Variants in DNM3 observed in about 807,000 individuals in gnomAD.
The protein encoded by DNM3 is dynamin 3.
In DNM3, 47 loss-of-function variants were observed where a neutral mutation model predicts 101.6. The observed-to-expected ratio is 0.46, with a 90% CI of 0.37 to 0.59. The LOEUF (loss-of-function observed/expected upper bound fraction) is 0.59, where lower values mean the gene tolerates loss of function less well. Ranked by LOEUF, DNM3 falls within the 20% of genes least tolerant of loss-of-function variation. DNM3 has a pLI of 0.00. For synonymous variants in DNM3, 385 were observed against 387.9 expected, an observed-to-expected ratio of 0.99 and a Z score of 0.09; for missense variants, 849 against 1,085.7, an observed-to-expected ratio of 0.78 and a Z score of 3.06.
chr1:171,925,887 G>A (rs2040530793), intron 2 of DNM3, among the ~76,000 whole-genome samples: 1 of 152,074 alleles, frequency 6.6e-6, no homozygotes, highest in African/African-American at 2.4e-5. Flanking sequence ...TTTGTATATG[G>A]TGAGAGATAG....
chr1:172,219,377 C>CAA (rs58783160), intron 14 of DNM3, among the ~76,000 whole-genome samples: 2,405 of 55,668 alleles, frequency 0.043, 208 homozygotes, highest in African/African-American at 0.1. Context: ...TACCCTGTCT[C>CAA]AAAAAAAAAA....
chr1:172,000,346 A>C (rs2046285314), intron 4 of DNM3, among the ~76,000 whole-genome samples: 1 of 152,032 alleles, frequency 6.6e-6, no homozygotes, highest in Admixed American at 6.6e-5. Context: ...ACTGCTTAGG[A>C]ATGTGAGGAA....
intron 14 of DNM3, among the ~76,000 whole-genome samples, chr1:172,175,959 C>T (rs2059141368): frequency 6.6e-6 from 1 of 151,718 alleles, no homozygotes; most frequent in African/African-American, 2.4e-5. Flanking sequence ...CATGTTGTTT[C>T]AGGATTGGTC....
At chr1:172,344,936 C>A (rs2066862323) in intron 17 of DNM3, among the ~76,000 whole-genome samples, 1 of 152,166 alleles carries the variant, frequency 6.6e-6, no homozygotes, top group African/African-American at 2.4e-5. Flanking sequence ...AAGAAGCATT[C>A]TATTAATTGT....
chr1:172,157,497 A>G (rs971492867), intron 14 of DNM3, among the ~76,000 whole-genome samples: 3 of 152,218 alleles, frequency 2.0e-5, no homozygotes, highest in East Asian at 1.9e-4. Context: ...ATTTCAGTAA[A>G]TTCATTTAAT....
In DNM3 at chr1:172,198,751, T is replaced by A. The variant is rs1283037162; in HGVS notation, c.1660-54822T>A. Among the ~76,000 whole-genome samples, 5 of 152,052 alleles carry A rather than the reference T, an allele frequency of 3.3e-5. No homozygotes were observed. The South Asian group carries it at 1.0e-3, about 32-fold the overall frequency. ...GTTGTTTTTATTTCTGTGGGTTAAG[T>A]AGTAACATTCCCTTTAGCATTTCTA... is the stretch of plus-strand genomic sequence containing the variant. On this transcript the variant is annotated intron_variant, in intron 14 of 20. Coordinates refer to ENST00000627582, the MANE Select transcript of DNM3 (RefSeq NM_015569.5).
chr1:172,168,153 A>G (rs17277134), intron 14 of DNM3, among the ~76,000 whole-genome samples: 9,166 of 152,146 alleles, frequency 0.06, 370 homozygotes, highest in East Asian at 0.14. Flanking sequence ...TACCTATATC[A>G]TAATTCACTG....
intron 16 of DNM3, among the ~76,000 whole-genome samples, chr1:172,317,534 C>T (rs1364969916): frequency 6.6e-6 from 1 of 152,014 alleles, no homozygotes; most frequent in Non-Finnish European, 1.5e-5. Flanking sequence ...CAAATAGACG[C>T]AATAAAAAAT....
intron 14 of DNM3, among the ~76,000 whole-genome samples, chr1:172,233,444 C>T (rs1309104360): frequency 6.6e-6 from 1 of 152,134 alleles, no homozygotes; most frequent in Non-Finnish European, 1.5e-5. Flanking sequence ...GATTCACAAC[C>T]GAATTCTACC....
chr1:172,035,914 A>G lies in DNM3; in HGVS notation c.850-2405A>G, dbSNP rs77193712. 4.1e-3 allele frequency among the ~76,000 whole-genome samples: 623 copies of G among 152,254 alleles called. 6 individuals carry two copies. Among genetic ancestry groups the G allele is most frequent in the African/African-American group, 0.014 (589 of 41,546 alleles). On this transcript the variant is annotated intron_variant, in intron 6 of 20. Coordinates refer to ENST00000627582, the MANE Select transcript of DNM3 (RefSeq NM_015569.5). ...ATTTATTTAATAAATATATTCAGCT[A>G]ACCTCAGATAAACATAAAGATGACT...
chr1:172,318,844 A>G (rs2065539129), intron 16 of DNM3, among the ~76,000 whole-genome samples: 1 of 152,204 alleles, frequency 6.6e-6, no homozygotes, highest in African/African-American at 2.4e-5. Flanking sequence ...TGCCATCCCC[A>G]TCAAGCTACC....
chr1:172,025,355 A>T (rs1445819678), intron 4 of DNM3, among the ~76,000 whole-genome samples: 1 of 152,180 alleles, frequency 6.6e-6, no homozygotes, highest in East Asian at 1.9e-4. Flanking sequence ...ACCTGGGGGA[A>T]GGGGCGGCTG....
Position 172,410,793 on chromosome 1 carries a change from C to T in DNM3, c.*2952C>T. 1.0e-6 allele frequency: 1 copy of T among 985,182 alleles called. No individual in the cohort carries two copies. Among genetic ancestry groups the T allele is most frequent in the Non-Finnish European group, 1.2e-6 (1 of 829,800 alleles). 61.0% of individuals were successfully genotyped at this position (985,182 alleles called of 1,614,324 possible). Reference sequence around the variant, plus strand: ...CCTGTGATGTAACTGTAAGCCTTCTCGACTTAGACTTAAAAAGTGGTCACA... The same window carrying T: ...CCTGTGATGTAACTGTAAGCCTTCTTGACTTAGACTTAAAAAGTGGTCACA... On this transcript the variant is annotated 3_prime_UTR_variant, in exon 21 of 21. Transcript: ENST00000627582.
In DNM3 at chr1:171,989,366, A is replaced by G. The variant is rs151322154; in HGVS notation, c.589+218A>G. Among the ~76,000 whole-genome samples the G allele has an allele frequency of 1.7e-3, 266 of 152,010 alleles. 1 individual carries two copies. Among genetic ancestry groups the G allele is most frequent in the African/African-American group, 6.2e-3 (256 of 41,550 alleles). ...GATTTACTAAAATAATGAAATTTATATAGTCAAAATCTATATAAATCTAAG... is the reference window on the plus strand; with the variant it reads ...GATTTACTAAAATAATGAAATTTATGTAGTCAAAATCTATATAAATCTAAG... On this transcript the variant is annotated intron_variant, in intron 4 of 20. Coordinates refer to ENST00000627582, the MANE Select transcript of DNM3 (RefSeq NM_015569.5).
chr1:172,105,586 T>C (rs1201777369), intron 13 of DNM3, among the ~76,000 whole-genome samples: 2 of 152,236 alleles, frequency 1.3e-5, no homozygotes, highest in African/African-American at 2.4e-5. Flanking sequence ...GTTTTGCTTT[T>C]GTAGATTACT....
intron 20 of DNM3, among the ~76,000 whole-genome samples, chr1:172,400,801 C>T (rs1379466957): frequency 1.3e-5 from 2 of 152,138 alleles, no homozygotes; most frequent in African/African-American, 2.4e-5. Flanking sequence ...TAAGACAACC[C>T]TTGATTTCTC....
intron 13 of DNM3, among the ~76,000 whole-genome samples, chr1:172,130,613 A>G (rs569502169): frequency 2.1e-4 from 32 of 152,082 alleles, no homozygotes; most frequent in African/African-American, 7.2e-4. Flanking sequence ...ACTATTAAAA[A>G]CTCCAAACTT....
At chr1:172,163,461 A>G (rs896448096) in intron 14 of DNM3, among the ~76,000 whole-genome samples, 11 of 151,878 alleles carry the variant, frequency 7.2e-5, no homozygotes, top group African/African-American at 2.7e-4. Flanking sequence ...GATGGTCTCA[A>G]TCTCTTGACC....
intron 19 of DNM3, among the ~76,000 whole-genome samples, chr1:172,387,691 C>T (rs1175465804): frequency 7.0e-6 from 1 of 142,506 alleles, no homozygotes; most frequent in Non-Finnish European, 1.5e-5. Context: ...CACCCACAAC[C>T]CCTGAGCCCT....
Sources: gnomAD v4.1 joint callset for allele counts (sites outside exome capture counted in the v4.1 genomes callset) on GRCh38, gnomAD v4.1.1 for gene constraint, MANE v1.5 for transcripts, NCBI Gene and HGNC (gene_info 2026-07-23, HGNC 2026-07-21) for gene names.